Variants in RANBP2 observed in about 807,000 individuals in gnomAD.
RANBP2 encodes RAN binding protein 2.
RANBP2 carries 57 observed loss-of-function variants against 303.6 expected under a neutral mutation model. The ratio of observed to expected loss-of-function variants is 0.19; its 90% confidence interval spans 0.15 to 0.23. The LOEUF (loss-of-function observed/expected upper bound fraction) is 0.23. Among genes scored for constraint, RANBP2 ranks in the 10% least tolerant of loss-of-function variants. RANBP2 has a pLI of 1.00. For synonymous variants in RANBP2, 1,167 were observed against 1,301.5 expected (o/e 0.90, Z 2.23); for missense variants, 3,138 against 3,780.8 (o/e 0.83, Z 4.46).
At chr2:109,638,571 G>C in the RANBP2 span, among the ~76,000 whole-genome samples, 1 of 152,098 alleles carries the variant, frequency 6.6e-6, no homozygotes, top group African/African-American at 2.4e-5. Flanking sequence ...CCATTGACTA[G>C]CTTAAAAATC....
the RANBP2 span, chr2:109,544,392 G>C: frequency 1.3e-6 from 2 of 1,536,824 alleles, no homozygotes; most frequent in Admixed American, 4.4e-5. Flanking sequence ...TAGCAAACAT[G>C]CATCTAGTAT....
the RANBP2 span, among the ~76,000 whole-genome samples, chr2:109,023,704 G>A: frequency 6.6e-6 from 1 of 152,084 alleles, no homozygotes; most frequent in Non-Finnish European, 1.5e-5. Flanking sequence ...AGCTACTCAG[G>A]AGGCTGAGGC....
the RANBP2 span, among the ~76,000 whole-genome samples, chr2:108,936,240 T>C: frequency 6.6e-6 from 1 of 152,242 alleles, no homozygotes; most frequent in Non-Finnish European, 1.5e-5. Context: ...GCAGGCCTGA[T>C]GGTTCGGAGT....
chr2:109,448,279 A>T, the RANBP2 span, among the ~76,000 whole-genome samples: 5 of 152,008 alleles, frequency 3.3e-5, no homozygotes, highest in African/African-American at 1.2e-4. Context: ...TATTTTCAAA[A>T]TTTTTCTGAG....
At chr2:109,129,720 T>A in the RANBP2 span, 1 of 1,537,790 alleles carries the variant, frequency 6.5e-7, no homozygotes, top group Non-Finnish European at 8.7e-7. Flanking sequence ...GCTCCGTGTG[T>A]CTGGAGCGCC....
the RANBP2 span, among the ~76,000 whole-genome samples, chr2:109,719,418 T>C: frequency 6.7e-6 from 1 of 148,768 alleles, no homozygotes; most frequent in South Asian, 2.1e-4. Flanking sequence ...TCTTTTTTTT[T>C]TTTTTTTGAG....
the RANBP2 span, among the ~76,000 whole-genome samples, chr2:108,985,355 C>A: frequency 6.6e-6 from 1 of 152,188 alleles, no homozygotes; most frequent in Non-Finnish European, 1.5e-5. Context: ...GCGCGCCTTC[C>A]TACTGTGTTT....
the RANBP2 span, chr2:109,490,834 G>A: frequency 3.3e-6 from 5 of 1,536,724 alleles, no homozygotes; most frequent in Non-Finnish European, 4.4e-6. Context: ...CCTCTGCACA[G>A]GAAGGCAGGC....
chr2:109,226,543 G>C, the RANBP2 span, among the ~76,000 whole-genome samples: 5 of 152,280 alleles, frequency 3.3e-5, no homozygotes, highest in Admixed American at 3.3e-4. Context: ...TTAAAGTTTA[G>C]ATTTTTACTG....
At chr2:108,914,723 A>G in the RANBP2 span, among the ~76,000 whole-genome samples, 2 of 152,298 alleles carry the variant, frequency 1.3e-5, no homozygotes, top group East Asian at 3.9e-4. Context: ...TGTCTCTACC[A>G]GTTCTGGAGA....
chr2:109,023,015 C>T, the RANBP2 span, among the ~76,000 whole-genome samples: 2 of 152,068 alleles, frequency 1.3e-5, no homozygotes, highest in African/African-American at 4.8e-5. Context: ...CATGCCACTG[C>T]ACTCCAGCCT....
the RANBP2 span, among the ~76,000 whole-genome samples, chr2:109,451,814 C>T: frequency 6.6e-6 from 1 of 152,258 alleles, no homozygotes; most frequent in African/African-American, 2.4e-5. Flanking sequence ...CTCCTCCTCC[C>T]CTGATAGCTC....
chr2:109,001,893 C>T, the RANBP2 span, among the ~76,000 whole-genome samples: 1 of 147,554 alleles, frequency 6.8e-6, no homozygotes, highest in East Asian at 2.0e-4. Flanking sequence ...CCACGCCTGG[C>T]TTTTTTTTTT....
intron 24 of RANBP2, among the ~76,000 whole-genome samples, chr2:108,776,474 T>C (rs1677902665): frequency 6.6e-6 from 1 of 152,188 alleles, no homozygotes. Context: ...GTGGGAAGTT[T>C]AAGTTGTATT....
chr2:109,444,686 C>A, the RANBP2 span, among the ~76,000 whole-genome samples: 1 of 152,172 alleles, frequency 6.6e-6, no homozygotes, highest in Admixed American at 6.5e-5. Flanking sequence ...AAACCTAGTT[C>A]TAAGGGAGGG....
chr2:109,727,044 G>T, the RANBP2 span, among the ~76,000 whole-genome samples: 3 of 152,304 alleles, frequency 2.0e-5, no homozygotes, highest in East Asian at 5.8e-4. Context: ...TGGGGGTCAG[G>T]CACCATGTAC....
At chr2:109,232,443 A>G in the RANBP2 span, among the ~76,000 whole-genome samples, 3 of 152,172 alleles carry the variant, frequency 2.0e-5, no homozygotes, top group Admixed American at 2.0e-4. Context: ...TGGTCTGCCT[A>G]TCTATCTGTA....
the RANBP2 span, among the ~76,000 whole-genome samples, chr2:109,720,200 A>G: frequency 4.6e-5 from 7 of 152,116 alleles, no homozygotes; most frequent in South Asian, 1.2e-3. Context: ...GCACGCCTCC[A>G]CGCCCTTGTG....
At chr2:108,934,970 G>C in the RANBP2 span, among the ~76,000 whole-genome samples, 8 of 152,222 alleles carry the variant, frequency 5.3e-5, no homozygotes, top group Non-Finnish European at 1.0e-4. Context: ...CAGTTCAGGG[G>C]TTGTGAAGCC....
Sources: allele counts gnomAD v4.1 joint callset (sites outside exome capture counted in the v4.1 genomes callset), GRCh38; gene constraint gnomAD v4.1.1; transcripts MANE v1.5; gene names NCBI Gene and HGNC (gene_info 2026-07-23, HGNC 2026-07-21).